Variants in NCAM1 observed in about 807,000 individuals in gnomAD.
NCAM1 encodes neural cell adhesion molecule 1, also known as antigen recognized by monoclonal antibody 5.1H11.
NCAM1 carries 14 observed loss-of-function variants against 109.8 expected under a neutral mutation model. The observed-to-expected ratio is 0.13, with a 90% CI of 0.08 to 0.20. NCAM1 has a LOEUF of 0.20. NCAM1 is among the 10% of genes least tolerant of loss of function. The pLI is 1.00. For missense variants in NCAM1, 774 were observed against 1,109.9 expected (o/e 0.70, Z 4.30); for synonymous variants, 418 against 442.9 (o/e 0.94, Z 0.70).
At chr11:113,016,283 C>T (rs556347260) in intron 1 of NCAM1, among the ~76,000 whole-genome samples, 6 of 152,258 alleles carry the variant, frequency 3.9e-5, no homozygotes, top group African/African-American at 1.4e-4. Context: ...CTCTATTTGA[C>T]AACTGCAGAA....
chr11:112,970,749 G>A (rs1321218269), intron 1 of NCAM1, among the ~76,000 whole-genome samples: 1 of 152,154 alleles, frequency 6.6e-6, no homozygotes, highest in African/African-American at 2.4e-5. Flanking sequence ...TACTGCTAGA[G>A]GTGCTTGTTT....
chr11:113,219,907 C>T (rs1555114954), intron 8 of NCAM1, among the ~76,000 whole-genome samples: 1 of 152,230 alleles, frequency 6.6e-6, no homozygotes, highest in African/African-American at 2.4e-5. Context: ...TCACCTTCTT[C>T]TTCATTCCCA....
At chr11:113,095,260 A>G (rs1374684960) in intron 1 of NCAM1, among the ~76,000 whole-genome samples, 1 of 152,192 alleles carries the variant, frequency 6.6e-6, no homozygotes, top group Non-Finnish European at 1.5e-5. Context: ...AAATGACGAC[A>G]TTCTCAGCTT....
At chr11:113,126,264 A>G (rs1167017477) in intron 1 of NCAM1, among the ~76,000 whole-genome samples, 3 of 152,152 alleles carry the variant, frequency 2.0e-5, no homozygotes, top group Non-Finnish European at 4.4e-5. Flanking sequence ...GCTGCCATTT[A>G]TTCAGTGCCT....
intron 1 of NCAM1, among the ~76,000 whole-genome samples, chr11:113,191,507 C>A (rs144725340): frequency 6.6e-6 from 1 of 152,206 alleles, no homozygotes; most frequent in Non-Finnish European, 1.5e-5. Context: ...AGAGCAAGGG[C>A]TGTGGAGCTG....
chr11:113,240,779 T>C (rs2303377), intron 14 of NCAM1: 641,871 of 1,610,692 alleles, frequency 0.4, 133,042 homozygotes, highest in East Asian at 0.61. Flanking sequence ...CATTTTTCTT[T>C]CTTCAGCGGC....
intron 7 of NCAM1, among the ~76,000 whole-genome samples, chr11:113,211,351 T>G (rs1944387266): frequency 6.6e-6 from 1 of 152,184 alleles, no homozygotes. Flanking sequence ...AGAAGGAATG[T>G]CCATCAGTAT....
Position 113,233,206 on chromosome 11 carries a change from C to G in NCAM1, c.1582C>G (p.Gln528Glu). The G allele has an allele frequency of 6.2e-7, 1 of 1,613,896 alleles. No individual in the cohort carries two copies. Among genetic ancestry groups the G allele is most frequent in the Non-Finnish European group, 8.5e-7 (1 of 1,179,842 alleles). The change falls in exon 13 of 20, where the codon CAG (glutamine) becomes GAG (glutamate). Residue 528 changes from glutamine (Q) to glutamate (E), a missense_variant. By Grantham distance (29) the Gln-to-Glu change is conservative. Coordinates refer to ENST00000316851, the MANE Select transcript of NCAM1 (RefSeq NM_181351.5). This position sits in a 1 kb window ranked among gnomAD's most constrained non-coding sequence, Gnocchi z 4.5. ...GCCATACTCCAGCACAGCCCAGGTG[C>G]AGTTTGATGAACCAGAGGCCACAGG... ...VEPYSSTAQVQFDEPEATGGV... is the reference protein window; with the variant it reads ...VEPYSSTAQVEFDEPEATGGV...
chr11:113,249,151 C>T (rs928443599), intron 15 of NCAM1, among the ~76,000 whole-genome samples: 15 of 152,270 alleles, frequency 9.9e-5, no homozygotes, highest in African/African-American at 1.4e-4. Context: ...TACTAGGAAA[C>T]GCTGATTCTG....
intron 1 of NCAM1, among the ~76,000 whole-genome samples, chr11:112,980,415 A>G (rs1248771106): frequency 6.6e-6 from 1 of 151,878 alleles, no homozygotes; most frequent in African/African-American, 2.4e-5. Context: ...AAAAATGGAA[A>G]AAACCTAAAT....
chr11:113,089,740 C>T (rs1172029306), intron 1 of NCAM1, among the ~76,000 whole-genome samples: 7 of 152,038 alleles, frequency 4.6e-5, no homozygotes, highest in South Asian at 2.1e-4. Context: ...AAAAAGCAAC[C>T]GGGGAGGCAT....
At chr11:112,977,996 A>C (rs947949308) in intron 1 of NCAM1, among the ~76,000 whole-genome samples, 3 of 151,810 alleles carry the variant, frequency 2.0e-5, no homozygotes, top group Non-Finnish European at 4.4e-5. Context: ...TGTTTTGTGG[A>C]AGAAGAGTCC....
rs147387064 is a variant in NCAM1, at chr11:113,012,793, G to A, written c.52+51129G>A. On this transcript the variant is annotated intron_variant, in intron 1 of 19. Transcript: ENST00000316851. ...CATCTTAACTAATTACATCTGCAAC[G>A]ATCCTATTTCCAAATAAGGTAACAT... Among the ~76,000 whole-genome samples the A allele has an allele frequency of 1.4e-3, 208 of 152,274 alleles. 4 individuals carry two copies. The highest frequency in any genetic ancestry group is 4.7e-3 in the African/African-American group (197 of 41,554).
chr11:113,095,372 G>T (rs1410792569), intron 1 of NCAM1, among the ~76,000 whole-genome samples: 1 of 151,370 alleles, frequency 6.6e-6, no homozygotes, highest in Non-Finnish European at 1.5e-5. Context: ...GAGCATCTAA[G>T]ATGAGTTTAC....
intron 1 of NCAM1, among the ~76,000 whole-genome samples, chr11:112,966,498 A>G (rs1002522189): frequency 7.2e-4 from 110 of 152,336 alleles, no homozygotes; most frequent in African/African-American, 2.5e-3. Flanking sequence ...TTTTAACAAT[A>G]CAGGTAGATA....
intron 1 of NCAM1, among the ~76,000 whole-genome samples, chr11:113,022,519 C>T (rs1952420474): frequency 6.6e-6 from 1 of 152,122 alleles, no homozygotes; most frequent in South Asian, 2.1e-4. Flanking sequence ...ATTACAGATC[C>T]TACTTTTCAG....
At chr11:113,213,131 A>G (rs1462080340) in intron 7 of NCAM1, among the ~76,000 whole-genome samples, 5 of 152,384 alleles carry the variant, frequency 3.3e-5, no homozygotes, top group African/African-American at 1.2e-4. Context: ...TGGAGAAGAT[A>G]TATAGGCAGT....
intron 1 of NCAM1, among the ~76,000 whole-genome samples, chr11:113,080,139 G>GT (rs1212553425): frequency 6.6e-6 from 1 of 151,722 alleles, no homozygotes; most frequent in Admixed American, 6.6e-5. Flanking sequence ...ATAGGTTATC[G>GT]TTTTTTTTCT....
At chr11:113,013,730 T>A (rs1300292552) in intron 1 of NCAM1, among the ~76,000 whole-genome samples, 1 of 152,210 alleles carries the variant, frequency 6.6e-6, no homozygotes, top group African/African-American at 2.4e-5. Context: ...GTGTGTTATA[T>A]TAGCCAAGTT....
Sources: gnomAD v4.1 joint callset for allele counts (sites outside exome capture counted in the v4.1 genomes callset) on GRCh38, gnomAD v4.1.1 for gene constraint, Gnocchi (gnomAD v3.1) non-coding constraint, MANE v1.5 for transcripts, NCBI Gene and HGNC (gene_info 2026-07-23, HGNC 2026-07-21) for gene names.